The following ADCY9 variants were observed in gnomAD, a reference collection of about 807,000 sequenced individuals.
ADCY9 encodes the protein adenylate cyclase 9, also known as adenylate cyclase type 9.
A neutral mutation model predicts 101.5 loss-of-function variants in ADCY9; 50 were observed. The observed-to-expected ratio is 0.49, with a 90% CI of 0.39 to 0.62. The LOEUF is 0.62. Among genes scored for constraint, ADCY9 ranks in the 20% least tolerant of loss-of-function variants. ADCY9 has a pLI of 0.00. For synonymous variants in ADCY9, 905 were observed against 769.3 expected (o/e 1.18, Z -2.92); for missense variants, 1,662 against 1,800.4 (o/e 0.92, Z 1.39).
At chr16:4,033,226 T>C (rs1247657718) in intron 2 of ADCY9, among the ~76,000 whole-genome samples, 1 of 152,200 alleles carries the variant, frequency 6.6e-6, no homozygotes, top group African/African-American at 2.4e-5. Flanking sequence ...TGGTCCTAAA[T>C]TCTTTTCTCT....
At chr16:4,098,159 G>C (rs1375324794) in intron 2 of ADCY9, among the ~76,000 whole-genome samples, 1 of 152,088 alleles carries the variant, frequency 6.6e-6, no homozygotes, top group Non-Finnish European at 1.5e-5. Context: ...GATGGGGTTT[G>C]CTGGGCTGGG....
At chr16:4,095,976 CAAAA>C (rs56897380) in intron 2 of ADCY9, among the ~76,000 whole-genome samples, 15,910 of 115,368 alleles carry the variant, frequency 0.14, 1,248 homozygotes, top group East Asian at 0.44. Context: ...GACTCTATCT[CAAAA>C]AAAAAAAAAA....
intron 2 of ADCY9, among the ~76,000 whole-genome samples, chr16:4,024,557 C>A (rs990184231): frequency 2.0e-5 from 3 of 151,922 alleles, no homozygotes; most frequent in Non-Finnish European, 4.4e-5. Flanking sequence ...CAGGATCCCA[C>A]GCGGCTGGCT....
intron 2 of ADCY9, among the ~76,000 whole-genome samples, chr16:4,071,729 T>C (rs1469039295): frequency 6.6e-6 from 1 of 152,208 alleles, no homozygotes; most frequent in Non-Finnish European, 1.5e-5. Context: ...AACCGAGTTT[T>C]AATTTTCATC....
intron 2 of ADCY9, among the ~76,000 whole-genome samples, chr16:4,024,072 G>C (rs1450575077): frequency 6.6e-6 from 1 of 151,580 alleles, no homozygotes; most frequent in African/African-American, 2.4e-5. Flanking sequence ...GCCCAGGCTG[G>C]AGTGCAATGA....
chr16:4,099,364 G>A (rs1325182000), intron 2 of ADCY9, among the ~76,000 whole-genome samples: 4 of 152,090 alleles, frequency 2.6e-5, no homozygotes, highest in African/African-American at 9.7e-5. Flanking sequence ...AGCTTCCAAG[G>A]AACTCGAAGA....
At chr16:4,008,768 G>A (rs2238447) in intron 2 of ADCY9, among the ~76,000 whole-genome samples, 58,554 of 151,862 alleles carry the variant, frequency 0.39, 11,761 homozygotes, top group East Asian at 0.48. Flanking sequence ...TCTCCATGTC[G>A]GCCAGACTGG....
chr16:4,005,586 T>C (rs1202828683), intron 3 of ADCY9, among the ~76,000 whole-genome samples: 1 of 152,008 alleles, frequency 6.6e-6, no homozygotes, highest in Non-Finnish European at 1.5e-5. Flanking sequence ...ATTTGGAAAA[T>C]CTCCACATGC....
rs550827795 is a variant in ADCY9, at chr16:3,983,729, G to A, written c.2311-289C>T. 2.6e-4 allele frequency: 118 copies of A among 446,216 alleles called. No individual in the cohort carries two copies. In the Middle Eastern group the frequency reaches 4.9e-3, roughly 18 times the overall value. 27.6% of individuals were successfully genotyped at this position (446,216 alleles called of 1,614,324 possible). On this transcript the variant is annotated intron_variant, in intron 6 of 10. Coordinates refer to ENST00000294016, the MANE Select transcript of ADCY9 (RefSeq NM_001116.4). ...GGGTCGCTGGAGCCCAGGAGTTCCC[G>A]GCCAGCGTAACACAGTGAGACTCCA...
intron 2 of ADCY9, among the ~76,000 whole-genome samples, chr16:4,013,054 C>A (rs142997742): frequency 0.018 from 2,740 of 152,084 alleles, 40 homozygotes; most frequent in Non-Finnish European, 0.029. Flanking sequence ...GAGTTTGAGA[C>A]CAGCCTGGAC....
At chr16:4,055,601 G>C (rs942384814) in intron 2 of ADCY9, among the ~76,000 whole-genome samples, 15 of 151,934 alleles carry the variant, frequency 9.9e-5, no homozygotes, top group Non-Finnish European at 1.9e-4. Context: ...TGGGAGGCCG[G>C]GGTGGGGGGA....
chr16:4,051,522 TAAAA>T (rs537295838), intron 2 of ADCY9, among the ~76,000 whole-genome samples: 2 of 122,258 alleles, frequency 1.6e-5, no homozygotes, highest in Non-Finnish European at 3.5e-5. Context: ...AGACTCCATC[TAAAA>T]AAAAAAAAAA....
intron 10 of ADCY9, among the ~76,000 whole-genome samples, chr16:3,970,979 C>T (rs1006075687): frequency 6.6e-6 from 1 of 152,172 alleles, no homozygotes; most frequent in Non-Finnish European, 1.5e-5. Context: ...TGGTGGCTGG[C>T]ACCAGGGAGC....
intron 2 of ADCY9, among the ~76,000 whole-genome samples, chr16:4,055,880 A>G (rs2056734523): frequency 6.6e-6 from 1 of 152,084 alleles, no homozygotes; most frequent in Non-Finnish European, 1.5e-5. Context: ...CAGCAGAACA[A>G]AGGTGCCACT....
intron 3 of ADCY9, among the ~76,000 whole-genome samples, chr16:3,994,348 G>A (rs1237254016): frequency 6.6e-6 from 1 of 152,114 alleles, no homozygotes. Context: ...ATTTCAACAG[G>A]GTTTCTCTTT....
At chr16:3,975,773 A>G (rs1168358326) in intron 9 of ADCY9, among the ~76,000 whole-genome samples, 2 of 152,240 alleles carry the variant, frequency 1.3e-5, no homozygotes, top group Non-Finnish European at 2.9e-5. Flanking sequence ...AAACATTTTT[A>G]TAAGCAGTTA....
At chr16:4,061,405 A>G (rs573540655) in intron 2 of ADCY9, among the ~76,000 whole-genome samples, 1 of 152,210 alleles carries the variant, frequency 6.6e-6, no homozygotes, top group Non-Finnish European at 1.5e-5. Context: ...GTGAGCCACC[A>G]TGACACATCA....
At chr16:3,998,730 A>AAAG (rs2056307217) in intron 3 of ADCY9, among the ~76,000 whole-genome samples, 1 of 143,500 alleles carries the variant, frequency 7.0e-6, no homozygotes, top group African/African-American at 2.6e-5. Context: ...AAAAAAAAAA[A>AAAG]AAAAAGAAAA....
Position 4,097,553 on chromosome 16 carries a change from A to ATTTTTTT in ADCY9, c.1693+16190_1693+16196dup, listed in dbSNP as rs35732229. Among the ~76,000 whole-genome samples the ATTTTTTT allele has an allele frequency of 8.6e-3, 461 of 53,384 alleles. 13 individuals are homozygous for ATTTTTTT. The highest frequency in any genetic ancestry group is 0.029 in the Middle Eastern group (2 of 68). 35.0% of individuals were successfully genotyped at this position (53,384 alleles called of 152,430 possible). A position where few individuals can be genotyped will look rare whatever the true frequency, so the allele number is the denominator to read the frequency against. On this transcript the variant is annotated intron_variant, in intron 2 of 10. Coordinates refer to ENST00000294016, the MANE Select transcript of ADCY9 (RefSeq NM_001116.4). The stretch of plus-strand genomic sequence containing the variant: ...CATATATATATATATATATATATAT[A>ATTTTTTT]TTTTTTTTTTTTTTTTTTAAGACAG...
Sources: gnomAD v4.1 joint callset for allele counts (sites outside exome capture counted in the v4.1 genomes callset) on GRCh38, gnomAD v4.1.1 for gene constraint, MANE v1.5 for transcripts, NCBI Gene and HGNC (gene_info 2026-07-23, HGNC 2026-07-21) for gene names.